The following KIF20B variants were observed in gnomAD, a reference collection of about 807,000 sequenced individuals.
KIF20B encodes the protein kinesin-like protein KIF20B.
A neutral mutation model predicts 232.5 loss-of-function variants in KIF20B; 188 were observed. The observed-to-expected ratio is 0.81, with a 90% CI of 0.72 to 0.91. The LOEUF (loss-of-function observed/expected upper bound fraction) is 0.91. Among genes scored for constraint, KIF20B ranks in the 40% least tolerant of loss-of-function variants. The pLI is 0.00. For synonymous variants in KIF20B, 712 were observed against 683.0 expected (o/e 1.04, Z -0.66); for missense variants, 2,154 against 2,055.9 (o/e 1.05, Z -0.92).
In KIF20B at chr10:89,754,666, A is replaced by G. The variant is rs191471368; in HGVS notation, c.4496A>G (p.Asn1499Ser). The change falls in exon 26 of 33, where the codon AAT (asparagine) becomes AGT (serine). Residue 1499 changes from asparagine (N) to serine (S), a missense_variant. Physicochemically the swap from Asn to Ser is conservative, Grantham distance 46 (BLOSUM62 1). Transcript: ENST00000371728. The stretch of plus-strand genomic sequence containing the variant: ...AGGGAGCGTTTTTTTAAGCAACAGA[A>G]TGAAATGGTTAGTAACAATTGTATC... ...EDRERFFKQQ[N>S]EMEILTAQLT... 12 of 1,560,448 alleles carry G rather than the reference A, an allele frequency of 7.7e-6. No homozygotes were observed. The East Asian group carries it at 1.6e-4, about 21-fold the overall frequency.
At chr10:89,746,018 C>A in intron 23 of KIF20B, 59 bp downstream of exon 23, 1 of 1,220,454 alleles carries the variant, frequency 8.2e-7, no homozygotes, top group Non-Finnish European at 1.2e-6. Context: ...CCTCGCAGGG[C>A]ATGCGATGGG....
intron 24 of KIF20B, 107 bp downstream of exon 24, chr10:89,751,578 A>G (rs1240467282): frequency 1.9e-6 from 2 of 1,031,984 alleles, no homozygotes; most frequent in Non-Finnish European, 2.8e-6. Flanking sequence ...GTGATTGATA[A>G]TGGAAAAGTA....
At chr10:89,768,909 A>C in intron 31 of KIF20B, 21 bp downstream of exon 31, 1 of 1,568,720 alleles carries the variant, frequency 6.4e-7, no homozygotes, top group Non-Finnish European at 8.6e-7. Context: ...AATTAATTAA[A>C]TGACCTTTTT....
chr10:89,725,619 T>G (rs915592725), intron 15 of KIF20B, among the ~76,000 whole-genome samples: 3 of 152,122 alleles, frequency 2.0e-5, no homozygotes, highest in Admixed American at 2.0e-4. Context: ...TTTATTATAG[T>G]TTTAGAGTTA....
Position 89,738,475 on chromosome 10 carries a change from G to T in KIF20B, c.3634G>T (p.Val1212Phe), listed in dbSNP as rs147115055. ...KEFQEHLQDSVKNTKDLNVKE... is the reference protein window; with the variant it reads ...KEFQEHLQDSFKNTKDLNVKE... Reference sequence around the variant, plus strand: ...ATTTCAAGAACATCTTCAGGATTCTGTCAAAAACACCAAAGATTTAAATGT... The same window carrying T: ...ATTTCAAGAACATCTTCAGGATTCTTTCAAAAACACCAAAGATTTAAATGT... The change falls in exon 20 of 33, where the codon GTC (valine) becomes TTC (phenylalanine). Residue 1212 changes from valine to phenylalanine, a missense_variant. Physicochemically the swap from Val to Phe is conservative, Grantham distance 50 (BLOSUM62 -1). Transcript: ENST00000371728. 832 of 1,605,550 alleles carry T rather than the reference G, an allele frequency of 5.2e-4. 6 individuals carry two copies. The African/African-American group carries it at 0.01, about 19-fold the overall frequency.
At chr10:89,767,164 T>C (rs1842379052) in intron 29 of KIF20B, among the ~76,000 whole-genome samples, 1 of 147,056 alleles carries the variant, frequency 6.8e-6, no homozygotes, top group Non-Finnish European at 1.5e-5. Flanking sequence ...TCCTATTTTC[T>C]TTTTTTCTTC....
In KIF20B at chr10:89,709,940, CA is replaced by C. The variant is rs1842803661; in HGVS notation, c.367del (p.Thr123LeufsTer15). ...ATGTTTGCTTAGGTTTTTGGCCCAG[CA>C]ACTACACAGAAGGAATTCTTTCAGG... is the stretch of plus-strand genomic sequence containing the variant. ...KFSFSKVFGP[A>X]TTQKEFFQGC... On this transcript the variant is annotated frameshift_variant, in exon 5 of 33. Transcript: ENST00000371728. LOFTEE classifies it high-confidence loss of function. 6.3e-7 allele frequency: 1 copy of C among 1,581,464 alleles called. No individual in the cohort carries two copies.
chr10:89,724,553 C>T (rs927167221), intron 14 of KIF20B, among the ~76,000 whole-genome samples: 3 of 152,044 alleles, frequency 2.0e-5, no homozygotes, highest in Non-Finnish European at 4.4e-5. Context: ...AAGAATATAG[C>T]TGTAACTAAT....
In KIF20B at chr10:89,774,359, T is replaced by C. The variant is rs532635017; in HGVS notation, c.*311T>C. 12 of 175,698 alleles carry C rather than the reference T, an allele frequency of 6.8e-5. No individual in the cohort carries two copies. The East Asian group carries it at 1.7e-3, about 25-fold the overall frequency. The allele number at this position is 175,698 out of a possible 1,614,324, so 10.9% of individuals were successfully genotyped here. The stretch of plus-strand genomic sequence containing the variant: ...AGGATGTAATAGGTCAGGTATTTGG[T>C]TTACTTATATTTAACAATGTCTTAT... On this transcript the variant is annotated 3_prime_UTR_variant, in exon 33 of 33. Transcript: ENST00000371728.
Position 89,752,547 on chromosome 10 carries a change from A to G in KIF20B, c.4223-20A>G, listed in dbSNP as rs750756791. On this transcript the variant is annotated intron_variant, in intron 24 of 32. Transcript: ENST00000371728. The stretch of plus-strand genomic sequence containing the variant: ...ACTTTTGCATATGCTTTAAAACATA[A>G]TTTTATGTCTTCAAATCAGAATTGG... The G allele has an allele frequency of 7.0e-6, 11 of 1,571,240 alleles. No individual in the cohort carries two copies. The highest frequency in any genetic ancestry group is 9.5e-6 in the Non-Finnish European group (11 of 1,156,598).
chr10:89,722,954 G>A (rs1169699378), intron 13 of KIF20B, among the ~76,000 whole-genome samples: 2 of 151,958 alleles, frequency 1.3e-5, no homozygotes, highest in Admixed American at 1.3e-4. Context: ...ATTAATATAG[G>A]TTATCATTGA....
At chr10:89,760,178 T>C (rs1179305444) in intron 27 of KIF20B, among the ~76,000 whole-genome samples, 2 of 152,202 alleles carry the variant, frequency 1.3e-5, no homozygotes, top group African/African-American at 4.8e-5. Flanking sequence ...TGTCGTTCTC[T>C]ATTTCCTCAT....
chr10:89,770,268 A>G (rs1425302435), intron 31 of KIF20B, among the ~76,000 whole-genome samples: 1 of 152,092 alleles, frequency 6.6e-6, no homozygotes, highest in Non-Finnish European at 1.5e-5. Flanking sequence ...TTGCTGCAGC[A>G]TGCCTTAGTA....
intron 13 of KIF20B, among the ~76,000 whole-genome samples, chr10:89,723,200 T>C (rs888387959): frequency 5.3e-5 from 8 of 152,204 alleles, no homozygotes; most frequent in East Asian, 1.9e-4. Flanking sequence ...AGTTGAGACA[T>C]TGGAAGATCT....
Position 89,768,331 on chromosome 10 carries a change from A to G in KIF20B, c.5031A>G (p.Arg1677=), listed in dbSNP as rs745362777. The G allele has an allele frequency of 1.2e-5, 19 of 1,592,762 alleles. No homozygotes were observed. The South Asian group carries it at 2.2e-4, about 18-fold the overall frequency. ...KCENKKNATP[R]TNLKFPISDD... is the part of the protein sequence containing the mutation. ...AAAATAAGAAGAATGCTACACCCAG[A>G]ACTAATTTGAAATTTCCTATTTCAG... Residue 1677 remains arginine (R), a synonymous_variant, in exon 30 of 33, where the codon AGA becomes AGG. Coordinates refer to ENST00000371728, the MANE Select transcript of KIF20B (RefSeq NM_001284259.2).
intron 29 of KIF20B, among the ~76,000 whole-genome samples, chr10:89,767,183 CTT>C (rs59954065): frequency 0.31 from 44,564 of 142,142 alleles, 7,498 homozygotes; most frequent in African/African-American, 0.46. Context: ...TCCACATACT[CTT>C]TTTTTTTTTT....
chr10:89,706,841 G>A (rs1262505275), intron 2 of KIF20B, among the ~76,000 whole-genome samples: 1 of 152,030 alleles, frequency 6.6e-6, no homozygotes, highest in Non-Finnish European at 1.5e-5. Context: ...ATTAGGTAGT[G>A]TGAATTCTCC....
intron 26 of KIF20B, among the ~76,000 whole-genome samples, chr10:89,755,128 T>C (rs1325691892): frequency 1.3e-5 from 2 of 152,238 alleles, no homozygotes; most frequent in Non-Finnish European, 2.9e-5. Flanking sequence ...CTTAGCCTGT[T>C]CTTTTTTTCT....
chr10:89,705,204 A>G, intron 1 of KIF20B, 90 bp from the exon 2 acceptor site: 1 of 1,023,538 alleles, frequency 9.8e-7, no homozygotes, highest in Non-Finnish European at 1.5e-6. Flanking sequence ...AGTTATTTGG[A>G]GGGAAGTAGT....
Sources: gnomAD v4.1 joint callset for allele counts (sites outside exome capture counted in the v4.1 genomes callset) on GRCh38, gnomAD v4.1.1 for gene constraint, MANE v1.5 for transcripts, NCBI Gene and HGNC (gene_info 2026-07-23, HGNC 2026-07-21) for gene names.